The following CLIC4 variants were observed in gnomAD, a reference collection of about 807,000 sequenced individuals.
CLIC4 encodes the protein CLIC family member 4, also known as chloride intracellular channel protein 4.
Under a neutral mutation model 24.6 loss-of-function variants are expected in CLIC4, and 13 were observed. That is an observed-to-expected ratio of 0.53 (90% confidence interval 0.34 to 0.84). The LOEUF is 0.84. Ranked by LOEUF, CLIC4 falls within the 40% of genes least tolerant of loss-of-function variation. The pLI is 0.01. For synonymous variants in CLIC4, 104 were observed against 111.3 expected, an observed-to-expected ratio of 0.93 and a Z score of 0.41; for missense variants, 227 against 301.7, an observed-to-expected ratio of 0.75 and a Z score of 1.83.
At chr1:24,764,807 A>T (rs1052875687) in intron 1 of CLIC4, among the ~76,000 whole-genome samples, 1 of 152,146 alleles carries the variant, frequency 6.6e-6, no homozygotes, top group African/African-American at 2.4e-5. Context: ...ATTTGTTTTT[A>T]TTTACTTTGT....
chr1:24,797,438 G>A (rs1287080972), intron 1 of CLIC4, among the ~76,000 whole-genome samples: 1 of 151,490 alleles, frequency 6.6e-6, no homozygotes. Flanking sequence ...AGCCGGGATG[G>A]TGGTACGTGC....
At chr1:24,767,024 TAAAAAAAAAAAAAA>T (rs34142565) in intron 1 of CLIC4, among the ~76,000 whole-genome samples, 1 of 71,124 alleles carries the variant, frequency 1.4e-5, no homozygotes, top group East Asian at 4.0e-4. Flanking sequence ...GCTGATGAGC[TAAAAAAAAAAAAAA>T]AAAAAAAAAA....
intron 1 of CLIC4, among the ~76,000 whole-genome samples, chr1:24,755,038 C>G (rs1163843770): frequency 1.4e-5 from 2 of 147,556 alleles, no homozygotes; most frequent in African/African-American, 5.0e-5. Flanking sequence ...TGTTACTACA[C>G]TCCAGCCTGG....
chr1:24,817,649 T>G (rs572461086), intron 3 of CLIC4, among the ~76,000 whole-genome samples: 19 of 152,246 alleles, frequency 1.2e-4, no homozygotes, highest in Non-Finnish European at 2.6e-4. Flanking sequence ...CTTCAAGAAC[T>G]TTTCTTCTGT....
At chr1:24,789,163 T>G (rs1639305287) in intron 1 of CLIC4, among the ~76,000 whole-genome samples, 1 of 152,230 alleles carries the variant, frequency 6.6e-6, no homozygotes, top group Non-Finnish European at 1.5e-5. Flanking sequence ...ATAAAATTAT[T>G]GGGACAATAG....
At chr1:24,766,404 A>G (rs985749641) in intron 1 of CLIC4, among the ~76,000 whole-genome samples, 4 of 149,816 alleles carry the variant, frequency 2.7e-5, no homozygotes, top group African/African-American at 9.8e-5. Context: ...AGTGCTAGGA[A>G]TATAGGCATG....
chr1:24,768,714 C>T (rs1281011819), intron 1 of CLIC4, among the ~76,000 whole-genome samples: 1 of 151,904 alleles, frequency 6.6e-6, no homozygotes, highest in Non-Finnish European at 1.5e-5. Flanking sequence ...CCAGCCTGGC[C>T]AAGATGGTGA....
chr1:24,835,360 C>T (rs1282112176), intron 4 of CLIC4, among the ~76,000 whole-genome samples: 5 of 152,110 alleles, frequency 3.3e-5, no homozygotes, highest in Admixed American at 6.5e-5. Context: ...GCCAGGAGTT[C>T]GAGACCAGCC....
chr1:24,785,854 C>CAAAAAAAAAAAAAAA (rs61009244), intron 1 of CLIC4, among the ~76,000 whole-genome samples: 20 of 58,862 alleles, frequency 3.4e-4, no homozygotes, highest in East Asian at 5.0e-4. Flanking sequence ...GACTACAACT[C>CAAAAAAAAAAAAAAA]AAAAAAAAAA....
chr1:24,778,650 G>A (rs188889252), intron 1 of CLIC4, among the ~76,000 whole-genome samples: 44 of 152,126 alleles, frequency 2.9e-4, no homozygotes, highest in African/African-American at 1.0e-3. Context: ...TATTGCCTCC[G>A]GACAGTCAAT....
chr1:24,755,996 ATTTTTT>A (rs972121749), intron 1 of CLIC4, among the ~76,000 whole-genome samples: 1 of 63,392 alleles, frequency 1.6e-5, no homozygotes, highest in Non-Finnish European at 3.3e-5. Flanking sequence ...TAATTTTTTG[ATTTTTT>A]TTTTTTTTTT....
chr1:24,783,358 C>CT (rs375314293), intron 1 of CLIC4, among the ~76,000 whole-genome samples: 14 of 150,078 alleles, frequency 9.3e-5, no homozygotes, highest in East Asian at 5.8e-4. Context: ...ACAACAGAAT[C>CT]TTTTTTTTTT....
intron 4 of CLIC4, among the ~76,000 whole-genome samples, chr1:24,838,457 G>A (rs893349831): frequency 6.6e-6 from 1 of 152,184 alleles, no homozygotes; most frequent in South Asian, 2.1e-4. Flanking sequence ...AAGGGACCAA[G>A]GGCTGAGTGG....
At chr1:24,765,827 T>TC (rs1444872531) in intron 1 of CLIC4, among the ~76,000 whole-genome samples, 1 of 150,514 alleles carries the variant, frequency 6.6e-6, no homozygotes, top group Non-Finnish European at 1.5e-5. Flanking sequence ...TTTTTTTTTT[T>TC]TTGAGACAGA....
intron 2 of CLIC4, 115 bp from the exon 3 acceptor site, chr1:24,813,979 A>T: frequency 8.4e-7 from 1 of 1,193,528 alleles, no homozygotes; most frequent in Non-Finnish European, 1.2e-6. Flanking sequence ...AGCCTCCTGT[A>T]GTGCTACGAC....
At chr1:24,828,310 TTAA>T in intron 4 of CLIC4, among the ~76,000 whole-genome samples, 1 of 152,190 alleles carries the variant, frequency 6.6e-6, no homozygotes, top group East Asian at 1.9e-4. Flanking sequence ...CTTGTATCTG[TTAA>T]TAATGTATTC....
chr1:24,824,128 G>C (rs1221041069), intron 3 of CLIC4, among the ~76,000 whole-genome samples: 1 of 152,162 alleles, frequency 6.6e-6, no homozygotes, highest in African/African-American at 2.4e-5. Flanking sequence ...TGTAATGTTT[G>C]GGGAAGATGC....
chr1:24,747,055 A>C (rs534767531), intron 1 of CLIC4, among the ~76,000 whole-genome samples: 6 of 149,976 alleles, frequency 4.0e-5, no homozygotes, highest in Non-Finnish European at 8.9e-5. Context: ...TGACTGGAAC[A>C]GTGTTTGCCT....
intron 2 of CLIC4, among the ~76,000 whole-genome samples, chr1:24,810,319 A>G (rs1209408054): frequency 9.9e-5 from 15 of 152,218 alleles, no homozygotes; most frequent in South Asian, 6.2e-4. Context: ...TTCTTAATCT[A>G]TAACAGTCCC....
Sources: allele counts gnomAD v4.1 joint callset (sites outside exome capture counted in the v4.1 genomes callset), GRCh38; gene constraint gnomAD v4.1.1; transcripts MANE v1.5; gene names NCBI Gene and HGNC (gene_info 2026-07-23, HGNC 2026-07-21).